BABAM2: variants seen among roughly 807,000 people sequenced by gnomAD.
BABAM2 encodes the protein BRISC and BRCA1-A complex member 2.
A neutral mutation model predicts 54.7 loss-of-function variants in BABAM2; 31 were observed. The ratio of observed to expected loss-of-function variants is 0.57; its 90% CI spans 0.43 to 0.77. The LOEUF is 0.77. Ranked by LOEUF, BABAM2 falls within the 30% of genes least tolerant of loss-of-function variation. The pLI, the probability that BABAM2 is intolerant of heterozygous loss-of-function variation, is 0.00. For synonymous variants in BABAM2, 167 were observed against 162.9 expected (o/e 1.03, Z -0.19); for missense variants, 364 against 455.8 (o/e 0.80, Z 1.83).
At chr2:28,072,545 C>T (rs1318422446) in intron 6 of BABAM2, among the ~76,000 whole-genome samples, 1 of 152,168 alleles carries the variant, frequency 6.6e-6, no homozygotes, top group African/African-American at 2.4e-5. Flanking sequence ...ACCACCACGC[C>T]TGGCTAATTT....
chr2:28,254,553 G>C (rs145635672), intron 10 of BABAM2, among the ~76,000 whole-genome samples: 1 of 151,418 alleles, frequency 6.6e-6, no homozygotes. Flanking sequence ...TCAAGCAAAC[G>C]TGAAAGTAGA....
intron 11 of BABAM2, among the ~76,000 whole-genome samples, chr2:28,328,947 T>A (rs996483389): frequency 3.3e-5 from 5 of 152,352 alleles, no homozygotes; most frequent in South Asian, 4.1e-4. Flanking sequence ...CAGACGTCTA[T>A]TTTATGGATT....
chr2:28,142,014 G>A (rs536360940), intron 7 of BABAM2, among the ~76,000 whole-genome samples: 15 of 152,226 alleles, frequency 9.9e-5, no homozygotes, highest in Admixed American at 9.2e-4. Context: ...CAGTGACTAA[G>A]GCTCTTAAAT....
intron 6 of BABAM2, among the ~76,000 whole-genome samples, chr2:28,074,610 C>A (rs907706324): frequency 6.6e-6 from 1 of 151,984 alleles, no homozygotes; most frequent in Non-Finnish European, 1.5e-5. Context: ...GAAGTCATGC[C>A]GTATTATACT....
intron 8 of BABAM2, among the ~76,000 whole-genome samples, chr2:28,237,889 G>A (rs1682060032): frequency 6.6e-6 from 1 of 151,996 alleles, no homozygotes; most frequent in South Asian, 2.1e-4. Context: ...GTCTCACTCT[G>A]TCGCCTGGGC....
At chr2:28,086,048 G>T (rs563580445) in intron 6 of BABAM2, among the ~76,000 whole-genome samples, 2 of 152,168 alleles carry the variant, frequency 1.3e-5, no homozygotes, top group South Asian at 4.1e-4. Context: ...AAGGAAAAAA[G>T]ATAACAGTAC....
intron 6 of BABAM2, among the ~76,000 whole-genome samples, chr2:28,105,443 C>T (rs371711575): frequency 1.3e-5 from 2 of 152,116 alleles, no homozygotes; most frequent in African/African-American, 2.4e-5. Context: ...CAATGAAGAG[C>T]GTGGTGCCAT....
intron 5 of BABAM2, 115 bp downstream of exon 5, chr2:28,025,535 C>A: frequency 2.0e-6 from 2 of 1,001,610 alleles, no homozygotes; most frequent in Non-Finnish European, 2.8e-6. Context: ...TCCAGGTAGC[C>A]TATATGTTTC....
In BABAM2 at chr2:28,168,159, C is replaced by T. The variant is rs73922248; in HGVS notation, c.680+38779C>T. Reference sequence around the variant, plus strand: ...CTAAAAGGTGTTCCCGTGGTCTAGACGTAGAAGCTGCCTTTAACAAGGGTC... The same window carrying T: ...CTAAAAGGTGTTCCCGTGGTCTAGATGTAGAAGCTGCCTTTAACAAGGGTC... On this transcript the variant is annotated intron_variant, in intron 7 of 11. Transcript: ENST00000379624. Among the ~76,000 whole-genome samples the T allele has an allele frequency of 8.1e-3, 1,232 of 152,252 alleles. 21 individuals carry two copies. Among genetic ancestry groups the T allele is most frequent in the African/African-American group, 0.028 (1,171 of 41,548 alleles).
At chr2:28,248,660 T>C (rs1180590407) in intron 10 of BABAM2, among the ~76,000 whole-genome samples, 1 of 152,150 alleles carries the variant, frequency 6.6e-6, no homozygotes, top group Non-Finnish European at 1.5e-5. Context: ...GAGGCAGCTG[T>C]CTACAGGAGC....
chr2:28,019,117 T>A (rs1278649095), intron 4 of BABAM2, among the ~76,000 whole-genome samples: 1 of 152,204 alleles, frequency 6.6e-6, no homozygotes, highest in Non-Finnish European at 1.5e-5. Flanking sequence ...TTTCTGTTCC[T>A]CTGTTAGCTT....
At chr2:28,238,516 T>C (rs1682124362) in intron 8 of BABAM2, among the ~76,000 whole-genome samples, 2 of 152,216 alleles carry the variant, frequency 1.3e-5, no homozygotes, top group African/African-American at 2.4e-5. Flanking sequence ...AGTACAATAA[T>C]ATTTCAAGAG....
Position 27,904,923 on chromosome 2 carries a change from A to G in BABAM2, c.128+10239A>G, listed in dbSNP as rs374886729. On this transcript the variant is annotated intron_variant, in intron 2 of 11. Transcript: ENST00000379624. ...TTCAATACAGGAAGGGAAGACCTAA[A>G]ATAATAGCTATATGGCAGACCTAGA... Among the ~76,000 whole-genome samples, 5 of 152,340 alleles carry G rather than the reference A, an allele frequency of 3.3e-5. No individual in the cohort carries two copies. In the East Asian group the frequency reaches 7.7e-4, roughly 23 times the overall value.
chr2:28,227,833 G>C (rs1420653852), intron 7 of BABAM2, among the ~76,000 whole-genome samples: 1 of 152,120 alleles, frequency 6.6e-6, no homozygotes, highest in Admixed American at 6.6e-5. Context: ...ACATTCCCAG[G>C]TCTCACCTCC....
chr2:27,931,313 A>T (rs1668077550), intron 3 of BABAM2, among the ~76,000 whole-genome samples: 6 of 152,216 alleles, frequency 3.9e-5, no homozygotes, highest in Admixed American at 3.9e-4. Context: ...TTTTTGATAC[A>T]TGAAACCAGT....
chr2:27,976,777 G>T (rs796994606), intron 3 of BABAM2, among the ~76,000 whole-genome samples: 2 of 152,176 alleles, frequency 1.3e-5, no homozygotes, highest in African/African-American at 4.8e-5. Flanking sequence ...GTGGCTACTG[G>T]TAAGTTTAAA....
chr2:28,245,895 G>T (rs1682871961), intron 10 of BABAM2, among the ~76,000 whole-genome samples: 1 of 152,144 alleles, frequency 6.6e-6, no homozygotes, highest in South Asian at 2.1e-4. Flanking sequence ...ATTTGCTTTG[G>T]TTAAAATAGT....
chr2:27,985,916 C>G (rs180767675), intron 3 of BABAM2, among the ~76,000 whole-genome samples: 1 of 152,016 alleles, frequency 6.6e-6, no homozygotes, highest in Non-Finnish European at 1.5e-5. Flanking sequence ...AAGTGAATGG[C>G]GTAATTAGTC....
chr2:27,949,028 C>T (rs1272771902), intron 3 of BABAM2, among the ~76,000 whole-genome samples: 1 of 152,102 alleles, frequency 6.6e-6, no homozygotes, highest in African/African-American at 2.4e-5. Context: ...TTTGTAAAAC[C>T]AAGAGCTAAG....
Sources: allele counts gnomAD v4.1 joint callset (sites outside exome capture counted in the v4.1 genomes callset), GRCh38; gene constraint gnomAD v4.1.1; transcripts MANE v1.5; gene names NCBI Gene and HGNC (gene_info 2026-07-23, HGNC 2026-07-21).